The following PLA2R1 variants were observed in gnomAD, a reference collection of about 807,000 sequenced individuals.
PLA2R1 encodes the protein secretory phospholipase A2 receptor.
A neutral mutation model predicts 195.9 loss-of-function variants in PLA2R1; 158 were observed. That is an observed-to-expected ratio of 0.81 (90% CI 0.71 to 0.92). The LOEUF is 0.92. PLA2R1 is among the 40% of genes least tolerant of loss of function. The pLI is 0.00. For synonymous variants in PLA2R1, 586 were observed against 598.2 expected (o/e 0.98, Z 0.30); for missense variants, 1,626 against 1,764.6 (o/e 0.92, Z 1.41).
At chr2:159,979,778 C>A in intron 14 of PLA2R1, 52 bp downstream of exon 14, 1 of 1,061,458 alleles carries the variant, frequency 9.4e-7, no homozygotes, top group Non-Finnish European at 1.5e-6. Flanking sequence ...CAAGTGGTCC[C>A]AGGCCCACTT....
chr2:160,001,685 A>G (rs1286200852), intron 11 of PLA2R1, among the ~76,000 whole-genome samples: 1 of 152,022 alleles, frequency 6.6e-6, no homozygotes. Flanking sequence ...ATTAACTCTA[A>G]GGAGAAAATA....
chr2:160,002,903 T>C (rs1573868611), intron 11 of PLA2R1, among the ~76,000 whole-genome samples: 1 of 152,164 alleles, frequency 6.6e-6, no homozygotes, highest in African/African-American at 2.4e-5. Flanking sequence ...CTGTTAATAA[T>C]TTTAAAAAAG....
intron 6 of PLA2R1, among the ~76,000 whole-genome samples, chr2:160,027,015 C>T (rs1478472422): frequency 2.0e-5 from 3 of 152,140 alleles, no homozygotes; most frequent in Non-Finnish European, 4.4e-5. Flanking sequence ...TGCCTGTAAT[C>T]CCAGCTACTC....
At chr2:159,996,543 T>C (rs1035551752) in intron 11 of PLA2R1, among the ~76,000 whole-genome samples, 5 of 152,094 alleles carry the variant, frequency 3.3e-5, no homozygotes, top group African/African-American at 9.7e-5. Flanking sequence ...TCATCTTGGT[T>C]GGTGTTCTCA....
intron 11 of PLA2R1, among the ~76,000 whole-genome samples, chr2:160,002,635 C>T (rs538712379): frequency 3.3e-5 from 5 of 152,124 alleles, no homozygotes; most frequent in Admixed American, 6.5e-5. Context: ...GATTCTTGGA[C>T]TTTACCCCAG....
intron 27 of PLA2R1, chr2:159,946,319 CT>C (rs1280996243): frequency 3.0e-6 from 3 of 984,948 alleles, no homozygotes; most frequent in Non-Finnish European, 3.6e-6. Context: ...TCACAAGTAC[CT>C]TTCAATAACC....
intron 11 of PLA2R1, among the ~76,000 whole-genome samples, chr2:160,003,193 C>G (rs887921390): frequency 6.6e-6 from 1 of 151,800 alleles, no homozygotes; most frequent in Non-Finnish European, 1.5e-5. Flanking sequence ...CTTTTAAAAT[C>G]TCAGATCAAT....
chr2:159,955,066 C>A, intron 23 of PLA2R1, 133 bp downstream of exon 23: 1 of 645,336 alleles, frequency 1.5e-6, no homozygotes, highest in Non-Finnish European at 2.7e-6. Context: ...TTATGTAAAG[C>A]CAAAGAAGAA....
At chr2:159,958,358 C>T (rs1688236235) in intron 20 of PLA2R1, among the ~76,000 whole-genome samples, 1 of 152,128 alleles carries the variant, frequency 6.6e-6, no homozygotes, top group Non-Finnish European at 1.5e-5. Context: ...CAGGTGCCGG[C>T]ACCATGCTTC....
At chr2:160,013,709 CTCTCTCTCTCTCTG>C (rs1692536238) in intron 9 of PLA2R1, among the ~76,000 whole-genome samples, 1 of 67,576 alleles carries the variant, frequency 1.5e-5, no homozygotes, top group African/African-American at 5.0e-5. Context: ...CTCTGTCTCT[CTCTCTCTCTCTCTG>C]TGTGTGTGTG....
intron 1 of PLA2R1, among the ~76,000 whole-genome samples, chr2:160,060,661 C>T (rs1695890093): frequency 6.6e-6 from 1 of 152,176 alleles, no homozygotes; most frequent in Admixed American, 6.5e-5. Context: ...CCCTTGACTA[C>T]TAAAAAGAAG....
Position 159,949,610 on chromosome 2 carries a change from G to A in PLA2R1, c.3707C>T (p.Pro1236Leu), listed in dbSNP as rs1687603881. ...GAGTTGAATAGAATTGAACCTACCA[G>A]GTGGCACATGACAAATGGCACCTTG... ...FLQGAICHVP[P>L]ETRQSEHPEL... The change falls in exon 25 of 30, where the codon CCT becomes CTT. Residue 1236 changes from proline (P) to leucine (L), a missense_variant and splice_region_variant. Pro to Leu is a moderately conservative substitution (Grantham distance 98). Coordinates refer to ENST00000283243, the MANE Select transcript of PLA2R1 (RefSeq NM_007366.5). 1 of 1,611,738 alleles carries A rather than the reference G, an allele frequency of 6.2e-7. No homozygotes were observed. Among genetic ancestry groups the A allele is most frequent in the Non-Finnish European group, 8.5e-7 (1 of 1,177,896 alleles).
chr2:159,924,021 G>T, the PLA2R1 span, among the ~76,000 whole-genome samples: 1 of 91,900 alleles, frequency 1.1e-5, no homozygotes, highest in East Asian at 4.4e-4. Context: ...TCAAGGTGTT[G>T]GCAGGGCTGC....
intron 26 of PLA2R1, among the ~76,000 whole-genome samples, 157 bp downstream of exon 26, chr2:159,947,261 CA>C (rs1243756347): frequency 6.6e-6 from 1 of 152,150 alleles, no homozygotes; most frequent in Non-Finnish European, 1.5e-5. Flanking sequence ...AGCTGTCCTC[CA>C]AACAAGCAAT....
intron 12 of PLA2R1, among the ~76,000 whole-genome samples, chr2:159,986,156 T>A (rs924650551): frequency 1.3e-5 from 2 of 152,002 alleles, no homozygotes; most frequent in Non-Finnish European, 2.9e-5. Context: ...AAGTTGAGCA[T>A]CCCAAATCCA....
rs1247055917 is a variant in PLA2R1 at position 160,006,580 on chromosome 2, A to G, written c.1665-759T>C. Among the ~76,000 whole-genome samples the G allele has an allele frequency of 3.3e-5, 5 of 152,254 alleles. No homozygotes were observed. In the South Asian group the frequency reaches 1.0e-3, roughly 31 times the overall value. ...AGAAGACTCACATACATGCTTCCAC[A>G]TGCACACCTACTAAGAAAAACATGA... is the stretch of plus-strand genomic sequence containing the variant. On this transcript the variant is annotated intron_variant, in intron 10 of 29. Coordinates refer to ENST00000283243, the MANE Select transcript of PLA2R1 (RefSeq NM_007366.5).
intron 3 of PLA2R1, among the ~76,000 whole-genome samples, chr2:160,033,699 C>A (rs1363491242): frequency 3.9e-5 from 6 of 152,178 alleles, no homozygotes; most frequent in African/African-American, 1.4e-4. Flanking sequence ...TTGTAAGACA[C>A]TGGCCGAAGA....
chr2:160,055,938 G>A (rs546742115), intron 1 of PLA2R1, among the ~76,000 whole-genome samples: 228 of 152,070 alleles, frequency 1.5e-3, no homozygotes, highest in African/African-American at 5.3e-3. Context: ...GGCTCTCATC[G>A]CCCTCTTTCA....
At chr2:160,010,685 T>C (rs1319141705) in intron 10 of PLA2R1, among the ~76,000 whole-genome samples, 1 of 152,218 alleles carries the variant, frequency 6.6e-6, no homozygotes, top group African/African-American at 2.4e-5. Flanking sequence ...CTGCCCAACC[T>C]TCTCAGACAA....
Sources: gnomAD v4.1 joint callset for allele counts (sites outside exome capture counted in the v4.1 genomes callset) on GRCh38, gnomAD v4.1.1 for gene constraint, MANE v1.5 for transcripts, NCBI Gene and HGNC (gene_info 2026-07-23, HGNC 2026-07-21) for gene names.